Variants in ELOVL5 observed in about 807,000 individuals in gnomAD.
ELOVL5 encodes ELOVL fatty acid elongase 5, also known as very long chain fatty acid elongase 5.
ELOVL5 carries 8 observed loss-of-function variants against 38.6 expected under a neutral mutation model. That is an observed-to-expected ratio of 0.21 (90% confidence interval 0.12 to 0.37). ELOVL5 has a LOEUF of 0.37. Among genes scored for constraint, ELOVL5 ranks in the 10% least tolerant of loss-of-function variants. The probability of loss-of-function intolerance (pLI) is 1.00; values close to 1 mark genes in which losing one functional copy is unlikely to be tolerated. For synonymous variants in ELOVL5, 127 were observed against 133.7 expected (o/e 0.95, Z 0.34); for missense variants, 280 against 367.8 (o/e 0.76, Z 1.95).
chr6:53,341,688 C>T (rs1018715477), intron 1 of ELOVL5, among the ~76,000 whole-genome samples: 2 of 152,132 alleles, frequency 1.3e-5, no homozygotes, highest in Admixed American at 6.5e-5. Context: ...CAGAATATTC[C>T]GTTGCCCAGC....
intron 1 of ELOVL5, among the ~76,000 whole-genome samples, chr6:53,333,189 T>C (rs1768881672): frequency 6.6e-6 from 1 of 152,202 alleles, no homozygotes; most frequent in Admixed American, 6.5e-5. Flanking sequence ...TTACCTGCTA[T>C]AAAGGTGGAT....
intron 1 of ELOVL5, among the ~76,000 whole-genome samples, chr6:53,327,434 A>G (rs1346452848): frequency 2.0e-5 from 3 of 152,222 alleles, no homozygotes; most frequent in Non-Finnish European, 4.4e-5. Context: ...GCCAGATACA[A>G]GAGGTCACAT....
At chr6:53,323,576 C>CTTTT (rs3063792) in intron 1 of ELOVL5, among the ~76,000 whole-genome samples, 2,028 of 81,326 alleles carry the variant, frequency 0.025, 53 homozygotes, top group African/African-American at 0.04. Flanking sequence ...TACTAGCCAG[C>CTTTT]TTTTTTTTTT....
chr6:53,341,582 T>A (rs1198046911), intron 1 of ELOVL5, among the ~76,000 whole-genome samples: 2 of 152,210 alleles, frequency 1.3e-5, no homozygotes, highest in African/African-American at 4.8e-5. Flanking sequence ...CACAATGAAT[T>A]AATACATGTT....
intron 1 of ELOVL5, among the ~76,000 whole-genome samples, chr6:53,302,428 G>T (rs1344925047): frequency 1.3e-5 from 2 of 152,216 alleles, no homozygotes; most frequent in South Asian, 2.1e-4. Context: ...GATGGGGGTA[G>T]GTGGCAACAA....
At chr6:53,299,041 T>C (rs906918793) in intron 1 of ELOVL5, among the ~76,000 whole-genome samples, 1 of 152,158 alleles carries the variant, frequency 6.6e-6, no homozygotes, top group African/African-American at 2.4e-5. Context: ...TACAAAGGAT[T>C]GCCAAAATAG....
At chr6:53,287,148 ATTT>A (rs1324193521) in intron 3 of ELOVL5, among the ~76,000 whole-genome samples, 2 of 152,134 alleles carry the variant, frequency 1.3e-5, no homozygotes, top group Admixed American at 6.6e-5. Flanking sequence ...AAAATTACAA[ATTT>A]TTTTCTTTCA....
At chr6:53,333,484 G>A (rs1654006462) in intron 1 of ELOVL5, among the ~76,000 whole-genome samples, 1 of 152,174 alleles carries the variant, frequency 6.6e-6, no homozygotes, top group African/African-American at 2.4e-5. Context: ...ACCAAGAACA[G>A]GACCAAGACT....
intron 3 of ELOVL5, among the ~76,000 whole-genome samples, chr6:53,286,461 G>A (rs143323558): frequency 6.6e-6 from 1 of 152,278 alleles, no homozygotes; most frequent in African/African-American, 2.4e-5. Context: ...TACTCAGGAG[G>A]CTGAGGTGGG....
chr6:53,323,188 A>G (rs1353914767), intron 1 of ELOVL5, among the ~76,000 whole-genome samples: 1 of 152,214 alleles, frequency 6.6e-6, no homozygotes, highest in East Asian at 1.9e-4. Context: ...GCATCAAACT[A>G]GCAACCTACA....
intron 1 of ELOVL5, among the ~76,000 whole-genome samples, chr6:53,301,849 A>T (rs1664331438): frequency 6.6e-6 from 1 of 152,188 alleles, no homozygotes; most frequent in Admixed American, 6.5e-5. Flanking sequence ...CTATATTATA[A>T]TTGTGTCTCA....
At chr6:53,345,803 G>T (rs146641337) in intron 1 of ELOVL5, among the ~76,000 whole-genome samples, 15 of 152,320 alleles carry the variant, frequency 9.8e-5, no homozygotes, top group Non-Finnish European at 1.9e-4. Context: ...GCAGCACAGG[G>T]ATATATGAAG....
At chr6:53,346,296 T>C (rs142015161) in intron 1 of ELOVL5, among the ~76,000 whole-genome samples, 1,714 of 152,302 alleles carry the variant, frequency 0.011, 31 homozygotes, top group African/African-American at 0.039. Flanking sequence ...ACATTTTCTT[T>C]ATCCAGTCTA....
intron 3 of ELOVL5, among the ~76,000 whole-genome samples, chr6:53,288,145 G>GGTA (rs777672200): frequency 1.6e-4 from 25 of 152,180 alleles, no homozygotes; most frequent in Non-Finnish European, 3.1e-4. Flanking sequence ...GATCCAACCA[G>GGTA]GTAGATAAGG....
chr6:53,347,702 A>T (rs931902892), intron 1 of ELOVL5, among the ~76,000 whole-genome samples: 3 of 152,154 alleles, frequency 2.0e-5, no homozygotes, highest in Non-Finnish European at 4.4e-5. Flanking sequence ...CATGCACTGG[A>T]TTCTTCCGAA....
intron 1 of ELOVL5, chr6:53,337,376 G>C (rs1265646467): frequency 6.6e-6 from 1 of 152,218 alleles, no homozygotes; most frequent in African/African-American, 2.4e-5. Flanking sequence ...CATGTCTCCA[G>C]GCATAGGTAA....
chr6:53,313,437 T>C (rs1297787910), intron 1 of ELOVL5, among the ~76,000 whole-genome samples: 2 of 152,180 alleles, frequency 1.3e-5, no homozygotes, highest in Non-Finnish European at 2.9e-5. Flanking sequence ...GATGGCTCAC[T>C]GCAGCCTCAA....
chr6:53,325,447 G>A lies in ELOVL5; in HGVS notation c.-9+23370C>T, dbSNP rs114318959. Among the ~76,000 whole-genome samples the A allele has an allele frequency of 4.3e-3, 661 of 152,288 alleles. 8 individuals carry two copies. The highest frequency in any genetic ancestry group is 0.015 in the African/African-American group (638 of 41,568). On this transcript the variant is annotated intron_variant, in intron 1 of 7. Coordinates refer to ENST00000304434, the MANE Select transcript of ELOVL5 (RefSeq NM_021814.5). The stretch of plus-strand genomic sequence containing the variant: ...AGGTGATGTGATACCGCACCCTGTA[G>A]ATATTTATGCCTGTCAAGTATTCAT...
rs541765110 is a variant in ELOVL5 at position 53,306,980 on chromosome 6, T to TA, written c.-8-11274dup. On this transcript the variant is annotated intron_variant, in intron 1 of 7. Transcript: ENST00000304434. ...CCCACAAGGCTGCAGTGAAGCAAGG[T>TA]AAAAAAAAATCCATCAGGTGCAGGA... is the stretch of plus-strand genomic sequence containing the variant. Among the ~76,000 whole-genome samples the TA allele has an allele frequency of 2.8e-3, 429 of 151,652 alleles. 2 individuals are homozygous for TA. The highest frequency in any genetic ancestry group is 3.6e-3 in the Non-Finnish European group (244 of 67,848).
Sources: gnomAD v4.1 joint callset for allele counts (sites outside exome capture counted in the v4.1 genomes callset) on GRCh38, gnomAD v4.1.1 for gene constraint, MANE v1.5 for transcripts, NCBI Gene and HGNC (gene_info 2026-07-23, HGNC 2026-07-21) for gene names.